The following SEMA3E variants were observed in gnomAD, a reference collection of about 807,000 sequenced individuals.
SEMA3E encodes semaphorin 3E.
SEMA3E carries 49 observed loss-of-function variants against 93.6 expected under a neutral mutation model. The ratio of observed to expected loss-of-function variants is 0.52; its 90% CI spans 0.42 to 0.66. The LOEUF is 0.66. SEMA3E is among the 30% of genes least tolerant of loss of function. The pLI is 0.00. For missense variants in SEMA3E, 906 were observed against 964.8 expected (o/e 0.94, Z 0.81); for synonymous variants, 363 against 330.7 (o/e 1.10, Z -1.06).
At chr7:83,514,360 G>T (rs1176752446) in intron 1 of SEMA3E, among the ~76,000 whole-genome samples, 1 of 151,860 alleles carries the variant, frequency 6.6e-6, no homozygotes, top group South Asian at 2.1e-4. Flanking sequence ...TTTTTCTTGC[G>T]TGAGATCCAA....
chr7:83,366,760 A>G lies in SEMA3E; in HGVS notation c.*826T>C, dbSNP rs1374064805. 1 of 152,150 alleles carries G rather than the reference A, an allele frequency of 6.6e-6. No individual in the cohort carries two copies. Among genetic ancestry groups the G allele is most frequent in the Non-Finnish European group, 1.5e-5 (1 of 68,006 alleles). 9.4% of individuals were successfully genotyped at this position (152,150 alleles called of 1,614,324 possible). ...TAATCTGCTTTCAAATCTTTCCTAAACAGATATCCGTCTGTAGAGAAAAAA... is the reference window on the plus strand; with the variant it reads ...TAATCTGCTTTCAAATCTTTCCTAAGCAGATATCCGTCTGTAGAGAAAAAA... On this transcript the variant is annotated 3_prime_UTR_variant, in exon 17 of 17. Coordinates refer to ENST00000643230, the MANE Select transcript of SEMA3E (RefSeq NM_012431.3).
At chr7:83,388,433 A>G (rs929153727) in intron 14 of SEMA3E, among the ~76,000 whole-genome samples, 1 of 151,506 alleles carries the variant, frequency 6.6e-6, no homozygotes, top group African/African-American at 2.4e-5. Context: ...TATCATTAGT[A>G]TTAATAGTAT....
chr7:83,394,362 T>C (rs1779297601), intron 12 of SEMA3E, 24 bp from the exon 13 acceptor site: 1 of 1,594,600 alleles, frequency 6.3e-7, no homozygotes, highest in African/African-American at 1.3e-5. Context: ...AAAGTTTTCA[T>C]TTTTAAGAAA....
At chr7:83,597,886 C>A (rs931045600) in intron 1 of SEMA3E, among the ~76,000 whole-genome samples, 1 of 151,886 alleles carries the variant, frequency 6.6e-6, no homozygotes, top group Non-Finnish European at 1.5e-5. Flanking sequence ...ATCCTATTAG[C>A]TAAAATATTA....
chr7:83,427,859 T>G (rs940645620), intron 4 of SEMA3E, among the ~76,000 whole-genome samples: 2 of 152,208 alleles, frequency 1.3e-5, no homozygotes, highest in Non-Finnish European at 2.9e-5. Context: ...TTGAGAATGT[T>G]GGTCACGACT....
At chr7:83,428,890 T>G (rs1788827743) in intron 4 of SEMA3E, among the ~76,000 whole-genome samples, 1 of 152,126 alleles carries the variant, frequency 6.6e-6, no homozygotes, top group Non-Finnish European at 1.5e-5. Context: ...ATTATTTTCT[T>G]TTTAGAGGTG....
At chr7:83,377,611 T>TA (rs1252535399) in intron 16 of SEMA3E, among the ~76,000 whole-genome samples, 5 of 151,818 alleles carry the variant, frequency 3.3e-5, no homozygotes, top group South Asian at 2.1e-4. Flanking sequence ...AACCTACTTT[T>TA]AAAAAAAATA....
chr7:83,603,135 T>C (rs771327806), intron 1 of SEMA3E, among the ~76,000 whole-genome samples: 4 of 152,180 alleles, frequency 2.6e-5, no homozygotes, highest in African/African-American at 4.8e-5. Flanking sequence ...TTCTTTATGA[T>C]ATACCACTAA....
intron 1 of SEMA3E, among the ~76,000 whole-genome samples, chr7:83,587,528 T>C (rs1792656294): frequency 6.6e-6 from 1 of 152,092 alleles, no homozygotes; most frequent in Non-Finnish European, 1.5e-5. Context: ...CCTCTAAAAA[T>C]AAACCTTGCT....
At chr7:83,471,213 T>C (rs1213221331) in intron 2 of SEMA3E, among the ~76,000 whole-genome samples, 1 of 152,142 alleles carries the variant, frequency 6.6e-6, no homozygotes, top group African/African-American at 2.4e-5. Context: ...CTTTTTGCTT[T>C]GATAACAACA....
rs1164955178 is a variant in SEMA3E at position 83,365,599 on chromosome 7, G to A, written c.*1987C>T. The A allele has an allele frequency of 6.6e-6, 1 of 152,030 alleles. No homozygotes were observed. The highest frequency in any genetic ancestry group is 1.5e-5 in the Non-Finnish European group (1 of 67,988). The allele number at this position is 152,030 out of a possible 1,614,324, so 9.4% of individuals were successfully genotyped here. On this transcript the variant is annotated 3_prime_UTR_variant, in exon 17 of 17. Coordinates refer to ENST00000643230, the MANE Select transcript of SEMA3E (RefSeq NM_012431.3). Reference sequence around the variant, plus strand: ...CTATTTTCCTCTGCCTATTGCTTCAGTTACCAAATATTTAGTTTACAAGTT... The same window carrying A: ...CTATTTTCCTCTGCCTATTGCTTCAATTACCAAATATTTAGTTTACAAGTT...
intron 4 of SEMA3E, among the ~76,000 whole-genome samples, chr7:83,427,320 A>G (rs542031570): frequency 6.6e-6 from 1 of 152,080 alleles, no homozygotes; most frequent in Admixed American, 6.6e-5. Context: ...GTAGTTTTCA[A>G]TAATTTCATT....
intron 2 of SEMA3E, among the ~76,000 whole-genome samples, chr7:83,474,096 A>T (rs1312295499): frequency 2.4e-5 from 2 of 83,934 alleles, no homozygotes; most frequent in South Asian, 3.2e-4. Flanking sequence ...TATCTCAATT[A>T]AAAAAAAAAA....
At position 83,400,070 on chromosome 7, in the gene SEMA3E, C is replaced by G. The variant is rs761338290; in HGVS notation, c.1324G>C (p.Glu442Gln). Residue 442 changes from glutamate (E) to glutamine (Q), a missense_variant, in exon 11 of 17, where the codon GAA (glutamate) becomes CAA (glutamine). Glu to Gln is a conservative substitution (Grantham distance 29). Transcript: ENST00000643230. ...ACGTCATATTGGCCATCCTCAGCTTCCACTCGATCTACTGCTATTTGTTTC... is the reference window on the plus strand; with the variant it reads ...ACGTCATATTGGCCATCCTCAGCTTGCACTCGATCTACTGCTATTTGTTTC... Reference protein sequence around the residue: ...NLKQIAVDRVEAEDGQYDVLF... With the variant: ...NLKQIAVDRVQAEDGQYDVLF... The G allele has an allele frequency of 6.2e-7, 1 of 1,614,072 alleles. No individual in the cohort carries two copies. Among genetic ancestry groups the G allele is most frequent in the African/African-American group, 1.3e-5 (1 of 75,050 alleles).
chr7:83,500,396 A>C (rs1790572369), intron 1 of SEMA3E, among the ~76,000 whole-genome samples: 1 of 152,010 alleles, frequency 6.6e-6, no homozygotes, highest in African/African-American at 2.4e-5. Flanking sequence ...AGATCAGGCC[A>C]CTACACTGCA....
chr7:83,423,122 A>G (rs1186039374), intron 4 of SEMA3E, among the ~76,000 whole-genome samples: 1 of 152,196 alleles, frequency 6.6e-6, no homozygotes, highest in East Asian at 1.9e-4. Flanking sequence ...CCATGCTAAC[A>G]TTTTGAAAAC....
chr7:83,528,665 T>G (rs1323876721), intron 1 of SEMA3E, among the ~76,000 whole-genome samples: 2 of 152,088 alleles, frequency 1.3e-5, no homozygotes, highest in African/African-American at 4.8e-5. Context: ...ATCTTTAATG[T>G]TTTCAACATT....
intron 4 of SEMA3E, among the ~76,000 whole-genome samples, chr7:83,447,307 TG>T (rs1346024128): frequency 7.9e-5 from 12 of 151,948 alleles, no homozygotes; most frequent in African/African-American, 2.9e-4. Flanking sequence ...GAGGCCGAGG[TG>T]GGTGGATCAC....
At chr7:83,475,297 A>G (rs1789987084) in intron 2 of SEMA3E, among the ~76,000 whole-genome samples, 1 of 152,142 alleles carries the variant, frequency 6.6e-6, no homozygotes, top group Non-Finnish European at 1.5e-5. Context: ...TTTCCAGTTA[A>G]ACACACTGTT....
Sources: allele counts gnomAD v4.1 joint callset (sites outside exome capture counted in the v4.1 genomes callset), GRCh38; gene constraint gnomAD v4.1.1; transcripts MANE v1.5; gene names NCBI Gene and HGNC (gene_info 2026-07-23, HGNC 2026-07-21).